Variants in PIK3CB observed in about 807,000 individuals in gnomAD.
The protein encoded by PIK3CB is phosphatidylinositol 4,5-bisphosphate 3-kinase catalytic subunit beta isoform.
PIK3CB carries 39 observed loss-of-function variants against 136.8 expected under a neutral mutation model. That is an observed-to-expected ratio of 0.29 (90% confidence interval 0.22 to 0.37). The LOEUF is 0.37. PIK3CB is among the 10% of genes least tolerant of loss of function. The probability of loss-of-function intolerance (pLI) is 1.00; values close to 1 mark genes in which losing one functional copy is unlikely to be tolerated. For synonymous variants in PIK3CB, 428 were observed against 436.6 expected, an observed-to-expected ratio of 0.98 and a Z score of 0.25; for missense variants, 868 against 1,275.4, an observed-to-expected ratio of 0.68 and a Z score of 4.87.
chr3:138,739,930 C>T (rs1163819836), intron 5 of PIK3CB, among the ~76,000 whole-genome samples: 2 of 151,544 alleles, frequency 1.3e-5, no homozygotes, highest in Non-Finnish European at 2.9e-5. Flanking sequence ...ATAAAAGAGA[C>T]CCCAGAGAGC....
intron 1 of PIK3CB, among the ~76,000 whole-genome samples, chr3:138,822,271 C>T (rs1301787042): frequency 3.9e-5 from 6 of 152,100 alleles, no homozygotes; most frequent in South Asian, 2.1e-4. Context: ...TGGTGGCTCA[C>T]GCCTATAATC....
At chr3:138,690,960 A>T in intron 15 of PIK3CB, 40 bp downstream of exon 15, 1 of 1,524,250 alleles carries the variant, frequency 6.6e-7, no homozygotes, top group Non-Finnish European at 8.9e-7. Context: ...ATAGTTACTA[A>T]AGCACCTGGT....
chr3:138,698,472 G>A (rs2044182618), intron 13 of PIK3CB, among the ~76,000 whole-genome samples: 1 of 152,152 alleles, frequency 6.6e-6, no homozygotes, highest in African/African-American at 2.4e-5. Context: ...TGAAATGAAT[G>A]TTAAAATTGA....
intron 19 of PIK3CB, among the ~76,000 whole-genome samples, chr3:138,676,321 GTGT>G (rs1296011914): frequency 6.6e-6 from 1 of 152,214 alleles, no homozygotes; most frequent in Non-Finnish European, 1.5e-5. Context: ...ACAATAACAA[GTGT>G]TGGTGAGAAT....
chr3:138,692,351 C>T (rs115341363), intron 14 of PIK3CB, among the ~76,000 whole-genome samples: 8 of 152,312 alleles, frequency 5.3e-5, no homozygotes, highest in Non-Finnish European at 7.3e-5. Context: ...ATTAGCTACA[C>T]GGAATACACG....
chr3:138,759,601 C>A (rs552241579), intron 2 of PIK3CB, among the ~76,000 whole-genome samples: 2 of 151,972 alleles, frequency 1.3e-5, no homozygotes, highest in African/African-American at 4.8e-5. Flanking sequence ...ATCCATACCA[C>A]CAACTAAAGG....
chr3:138,808,720 CTCTCTCTCTCCTTT>C (rs934088603), intron 1 of PIK3CB, among the ~76,000 whole-genome samples: 13 of 151,636 alleles, frequency 8.6e-5, no homozygotes, highest in Non-Finnish European at 1.0e-4. Flanking sequence ...TAGGCCCTCT[CTCTCTCTCTCCTTT>C]TCTCTCTCTC....
intron 21 of PIK3CB, among the ~76,000 whole-genome samples, chr3:138,661,309 T>C (rs1041922086): frequency 5.9e-5 from 9 of 152,212 alleles, no homozygotes; most frequent in African/African-American, 1.9e-4. Context: ...TTTCAGCCTC[T>C]TTCTGTATCC....
At chr3:138,685,668 G>A (rs898032582) in intron 16 of PIK3CB, among the ~76,000 whole-genome samples, 5 of 151,770 alleles carry the variant, frequency 3.3e-5, no homozygotes, top group South Asian at 4.1e-4. Context: ...TAGCTAGAAC[G>A]AATTATTTTA....
At position 138,739,436 on chromosome 3, in the gene PIK3CB, C is replaced by T. The variant is rs1041025387; in HGVS notation, c.622-1550G>A. Among the ~76,000 whole-genome samples the T allele has an allele frequency of 9.3e-5, 14 of 149,992 alleles. No homozygotes were observed. The South Asian group carries it at 1.9e-3, about 21-fold the overall frequency. ...CCAGCCTGGCGACAGAGCGAGACTC[C>T]GACTCAAAAAAATAAATAAAATAAA... On this transcript the variant is annotated intron_variant, in intron 5 of 23. Transcript: ENST00000674063.
chr3:138,737,672 G>GTATATATGAGT (rs771639897), intron 6 of PIK3CB, 35 bp downstream of exon 6: 2 of 1,049,580 alleles, frequency 1.9e-6, no homozygotes, highest in Non-Finnish European at 2.7e-6. Context: ...TATACTCATA[G>GTATATATGAGT]ACTTTTCTGG....
intron 10 of PIK3CB, among the ~76,000 whole-genome samples, chr3:138,710,911 CG>C (rs996262637): frequency 9.9e-5 from 15 of 151,648 alleles, no homozygotes; most frequent in Non-Finnish European, 1.9e-4. Context: ...TGTGAAACCC[CG>C]TCTCTATTAA....
At chr3:138,750,831 T>C (rs929883318) in intron 4 of PIK3CB, among the ~76,000 whole-genome samples, 9 of 152,184 alleles carry the variant, frequency 5.9e-5, no homozygotes, top group Non-Finnish European at 1.2e-4. Flanking sequence ...CTTTCTGACA[T>C]AGCATAGCAG....
chr3:138,700,068 T>G (rs1274165171), intron 12 of PIK3CB, among the ~76,000 whole-genome samples: 1 of 151,956 alleles, frequency 6.6e-6, no homozygotes, highest in African/African-American at 2.4e-5. Flanking sequence ...AAAAAAAATT[T>G]TTAAATAGCT....
intron 2 of PIK3CB, among the ~76,000 whole-genome samples, chr3:138,763,971 C>A (rs1385697356): frequency 6.6e-6 from 1 of 151,902 alleles, no homozygotes; most frequent in Non-Finnish European, 1.5e-5. Flanking sequence ...ATTAGCTGGG[C>A]ATGGAGGCAC....
At chr3:138,831,209 C>T (rs1417459193) in intron 1 of PIK3CB, among the ~76,000 whole-genome samples, 1 of 150,262 alleles carries the variant, frequency 6.7e-6, no homozygotes, top group African/African-American at 2.4e-5. Flanking sequence ...ACGGCGTGAA[C>T]CCAGGAGGTG....
chr3:138,745,180 T>C (rs914290530), intron 4 of PIK3CB, among the ~76,000 whole-genome samples: 3 of 152,190 alleles, frequency 2.0e-5, no homozygotes, highest in African/African-American at 7.2e-5. Context: ...CCATGAGTAA[T>C]GAGCCTTAAA....
intron 10 of PIK3CB, among the ~76,000 whole-genome samples, chr3:138,708,730 C>T (rs768813428): frequency 2.6e-5 from 4 of 151,642 alleles, no homozygotes; most frequent in Admixed American, 6.6e-5. Flanking sequence ...GGCACACACA[C>T]ACCACTGCAC....
At chr3:138,734,594 T>C (rs374554331) in intron 7 of PIK3CB, 40 bp downstream of exon 7, 1 of 1,444,080 alleles carries the variant, frequency 6.9e-7, no homozygotes, top group South Asian at 1.3e-5. Context: ...CACAATCACA[T>C]GGCTTTTGGG....
Sources: gnomAD v4.1 joint callset for allele counts (sites outside exome capture counted in the v4.1 genomes callset) on GRCh38, gnomAD v4.1.1 for gene constraint, MANE v1.5 for transcripts, NCBI Gene and HGNC (gene_info 2026-07-23, HGNC 2026-07-21) for gene names.